AGTPBP1: variants seen among roughly 807,000 people sequenced by gnomAD.
The protein encoded by AGTPBP1 is cytosolic carboxypeptidase 1.
A neutral mutation model predicts 143.9 loss-of-function variants in AGTPBP1; 70 were observed. The observed-to-expected ratio is 0.49, with a 90% CI of 0.40 to 0.59. The LOEUF is 0.59. Among genes scored for constraint, AGTPBP1 ranks in the 20% least tolerant of loss-of-function variants. The pLI is 0.00. For synonymous variants in AGTPBP1, 463 were observed against 500.2 expected, an observed-to-expected ratio of 0.93 and a Z score of 0.99; for missense variants, 1,229 against 1,464.5, an observed-to-expected ratio of 0.84 and a Z score of 2.62.
chr9:85,664,850 C>T (rs9314744), intron 8 of AGTPBP1, among the ~76,000 whole-genome samples: 76,366 of 151,982 alleles, frequency 0.5, 21,846 homozygotes, highest in East Asian at 0.84. Context: ...CCATTCAATG[C>T]AATATGTTTC....
chr9:85,715,705 C>G (rs1315248701), intron 1 of AGTPBP1, among the ~76,000 whole-genome samples: 1 of 152,132 alleles, frequency 6.6e-6, no homozygotes, highest in Admixed American at 6.5e-5. Context: ...ATTACTGAAG[C>G]CTGAAGCCAG....
rs549101612 is a variant in AGTPBP1 at position 85,636,363 on chromosome 9, G to A, written c.1303-2989C>T. The stretch of plus-strand genomic sequence containing the variant: ...TGCAAGCTCCAACTCCCTGGTTCAA[G>A]CAATTCTCTCTGCCTTAGCTTCCCG... On this transcript the variant is annotated intron_variant, in intron 13 of 25. Transcript: ENST00000357081. Among the ~76,000 whole-genome samples the A allele has an allele frequency of 2.0e-5, 3 of 148,376 alleles. No homozygotes were observed. The East Asian group carries it at 6.3e-4, about 31-fold the overall frequency.
chr9:85,708,241 T>C (rs553389141), intron 2 of AGTPBP1, among the ~76,000 whole-genome samples: 22 of 152,212 alleles, frequency 1.4e-4, no homozygotes, highest in African/African-American at 5.3e-4. Context: ...TACTACTGAC[T>C]CTGATCCTCT....
At chr9:85,653,107 G>A (rs958342209) in intron 11 of AGTPBP1, among the ~76,000 whole-genome samples, 3 of 151,954 alleles carry the variant, frequency 2.0e-5, no homozygotes, top group Non-Finnish European at 4.4e-5. Flanking sequence ...AGCCTGACAT[G>A]TGAGAAAATA....
At chr9:85,733,234 A>G (rs1839005974) in intron 1 of AGTPBP1, among the ~76,000 whole-genome samples, 1 of 152,232 alleles carries the variant, frequency 6.6e-6, no homozygotes. Context: ...TAGGATACAA[A>G]TTAAGTCTCA....
chr9:85,770,332 G>C, the AGTPBP1 span: 2 of 1,607,786 alleles, frequency 1.2e-6, no homozygotes, highest in Non-Finnish European at 1.7e-6. Context: ...AGCTTTGGAA[G>C]CTGCAATTGA....
intron 1 of AGTPBP1, among the ~76,000 whole-genome samples, chr9:85,715,030 C>T (rs1426591463): frequency 2.0e-5 from 3 of 151,850 alleles, no homozygotes; most frequent in East Asian, 1.9e-4. Flanking sequence ...GCGGATGACC[C>T]GAGGTTGGGA....
At chr9:85,608,835 C>T (rs993463229) in intron 17 of AGTPBP1, among the ~76,000 whole-genome samples, 3 of 151,546 alleles carry the variant, frequency 2.0e-5, no homozygotes, top group African/African-American at 7.3e-5. Flanking sequence ...ATGAAAAAAA[C>T]AAACAGGGAG....
Position 85,677,434 on chromosome 9 carries a change from A to G in AGTPBP1, c.436+2T>C, listed in dbSNP as rs758627603. ...AATAATCATACAAATGAAATCCCTT[A>G]CCTTTTGGTCCAATCTTTGCAAGAA... On this transcript the variant is annotated splice_donor_variant, in intron 6 of 25. Transcript: ENST00000357081. LOFTEE classifies it high-confidence loss of function. The G allele has an allele frequency of 1.0e-5, 16 of 1,606,348 alleles. No homozygotes were observed. In the South Asian group the frequency reaches 1.7e-4, roughly 17 times the overall value.
chr9:85,745,314 G>A (rs1030398210), upstream of AGTPBP1, among the ~76,000 whole-genome samples: 2 of 152,202 alleles, frequency 1.3e-5, no homozygotes, highest in African/African-American at 4.8e-5. Flanking sequence ...AGGAGAGCAT[G>A]ATTGATCATG....
chr9:85,577,015 G>GA (rs1218490683), intron 24 of AGTPBP1, among the ~76,000 whole-genome samples: 1 of 151,790 alleles, frequency 6.6e-6, no homozygotes, highest in East Asian at 1.9e-4. Context: ...AAAATAACTA[G>GA]AAAAAATGGT....
chr9:85,704,170 A>G (rs62570564), intron 2 of AGTPBP1, among the ~76,000 whole-genome samples: 2,256 of 152,298 alleles, frequency 0.015, 25 homozygotes, highest in Middle Eastern at 0.037. Context: ...AATGTAAGAA[A>G]GCAGAACCCA....
chr9:85,587,076 C>T, intron 21 of AGTPBP1, 116 bp from the exon 22 acceptor site: 1 of 1,298,018 alleles, frequency 7.7e-7, no homozygotes, highest in South Asian at 1.6e-5. Flanking sequence ...TTCCACTAAG[C>T]ATTTCAAATA....
chr9:85,647,105 C>T (rs207470339), intron 11 of AGTPBP1, among the ~76,000 whole-genome samples: 1 of 152,138 alleles, frequency 6.6e-6, no homozygotes, highest in African/African-American at 2.4e-5. Context: ...TGGAGAAACC[C>T]TGTCTCTATT....
At chr9:85,796,700 G>T in the AGTPBP1 span, among the ~76,000 whole-genome samples, 1 of 152,072 alleles carries the variant, frequency 6.6e-6, no homozygotes, top group Non-Finnish European at 1.5e-5. Context: ...TGTTTTACAT[G>T]ATGTGATTAT....
At chr9:85,736,374 C>G (rs1695501987) in intron 1 of AGTPBP1, among the ~76,000 whole-genome samples, 1 of 152,072 alleles carries the variant, frequency 6.6e-6, no homozygotes, top group Admixed American at 6.5e-5. Context: ...TAATGTATAG[C>G]AATCAGATCA....
rs2133824576 is a variant in AGTPBP1 at position 85,642,888 on chromosome 9, C to T, written c.1241G>A (p.Arg414Gln). The T allele has an allele frequency of 3.1e-6, 5 of 1,613,408 alleles. No homozygotes were observed. Among genetic ancestry groups the T allele is most frequent in the Non-Finnish European group, 4.2e-6 (5 of 1,179,808 alleles). Residue 414 changes from arginine to glutamine, a missense_variant, in exon 13 of 26, where the codon CGA (arginine) becomes CAA (glutamine). Coordinates refer to ENST00000357081, the MANE Select transcript of AGTPBP1 (RefSeq NM_001330701.2). Reference protein sequence around the residue: ...NKLKPQQEPGRTIEDLKMYEH... With the variant: ...NKLKPQQEPGQTIEDLKMYEH... ...ATACATTTTTAGATCTTCTATTGTT[C>T]GTCCCGGTTCTTGCTGGGGTTTTAG... is the stretch of plus-strand genomic sequence containing the variant.
Position 85,633,136 on chromosome 9 carries a change from C to A in AGTPBP1, c.1541G>T (p.Gly514Val), listed in dbSNP as rs1351039841. Residue 514 changes from glycine (G) to valine (V), a missense_variant, in exon 14 of 26, where the codon GGT becomes GTT. Coordinates refer to ENST00000357081, the MANE Select transcript of AGTPBP1 (RefSeq NM_001330701.2). Reference sequence around the variant, plus strand: ...TGATGAAATAGTTCTATTTTGATCACCTGGCTGCTGTTGTAATGTTCTATC... The same window carrying A: ...TGATGAAATAGTTCTATTTTGATCAACTGGCTGCTGTTGTAATGTTCTATC... ...DNDRTLQQQPGDQNRTISSVH... is the reference protein window; with the variant it reads ...DNDRTLQQQPVDQNRTISSVH... 6.2e-7 allele frequency: 1 copy of A among 1,613,986 alleles called. No homozygotes were observed. The highest frequency in any genetic ancestry group is 1.1e-5 in the South Asian group (1 of 91,058).
intron 25 of AGTPBP1, among the ~76,000 whole-genome samples, chr9:85,556,194 G>C (rs1826331576): frequency 6.6e-6 from 1 of 151,982 alleles, no homozygotes; most frequent in Non-Finnish European, 1.5e-5. Context: ...TAAAATATAT[G>C]ACAATAACAC....
Sources: gnomAD v4.1 joint callset for allele counts (sites outside exome capture counted in the v4.1 genomes callset) on GRCh38, gnomAD v4.1.1 for gene constraint, MANE v1.5 for transcripts, NCBI Gene and HGNC (gene_info 2026-07-23, HGNC 2026-07-21) for gene names.